The following GRIP1 variants were observed in gnomAD, a reference collection of about 807,000 sequenced individuals.
The protein encoded by GRIP1 is glutamate receptor-interacting protein 1.
Under a neutral mutation model 129.9 loss-of-function variants are expected in GRIP1, and 45 were observed. That is an observed-to-expected ratio of 0.35 (90% confidence interval 0.27 to 0.44). The LOEUF (loss-of-function observed/expected upper bound fraction) is 0.44, where lower values mean the gene tolerates loss of function less well. GRIP1 is among the 20% of genes least tolerant of loss of function. GRIP1 has a pLI of 1.00. For synonymous variants in GRIP1, 530 were observed against 520.8 expected, an observed-to-expected ratio of 1.02 and a Z score of -0.24; for missense variants, 1,196 against 1,396.8, an observed-to-expected ratio of 0.86 and a Z score of 2.29.
chr12:66,397,632 G>A (rs2056845794), intron 16 of GRIP1, among the ~76,000 whole-genome samples: 1 of 151,968 alleles, frequency 6.6e-6, no homozygotes, highest in Admixed American at 6.6e-5. Context: ...TATTTTATAA[G>A]ATTAAAAATA....
At chr12:66,544,066 A>C (rs547082470) in intron 2 of GRIP1, among the ~76,000 whole-genome samples, 1 of 152,304 alleles carries the variant, frequency 6.6e-6, no homozygotes, top group South Asian at 2.1e-4. Flanking sequence ...GAAGGAACCC[A>C]GGTGCTTCCT....
chr12:66,933,787 T>C (rs1321934341), intron 1 of GRIP1, among the ~76,000 whole-genome samples: 1 of 152,218 alleles, frequency 6.6e-6, no homozygotes, highest in African/African-American at 2.4e-5. Context: ...AATATTTGAA[T>C]AGGGATCTAA....
chr12:66,902,493 TCC>T (rs978222431), intron 1 of GRIP1, among the ~76,000 whole-genome samples: 9 of 152,150 alleles, frequency 5.9e-5, no homozygotes, highest in Admixed American at 2.6e-4. Context: ...CTGAGCAGTC[TCC>T]CAGATGTCAT....
intron 22 of GRIP1, among the ~76,000 whole-genome samples, chr12:66,375,126 A>C: frequency 6.6e-6 from 1 of 152,288 alleles, no homozygotes; most frequent in South Asian, 2.1e-4. Context: ...CAAAAATACT[A>C]ATAGTTAATT....
At chr12:66,414,497 A>T (rs1382422775) in intron 15 of GRIP1, among the ~76,000 whole-genome samples, 1 of 152,202 alleles carries the variant, frequency 6.6e-6, no homozygotes, top group Non-Finnish European at 1.5e-5. Context: ...AAAAATCAAT[A>T]TCATGAAAAT....
At chr12:66,870,859 C>T (rs2040284193) in intron 1 of GRIP1, among the ~76,000 whole-genome samples, 1 of 152,076 alleles carries the variant, frequency 6.6e-6, no homozygotes, top group African/African-American at 2.4e-5. Context: ...ATTTGGTCTC[C>T]CTGCCACATT....
Position 66,991,564 on chromosome 12 carries a change from T to C in GRIP1, c.58+77486A>G, listed in dbSNP as rs145416190. ...TATTCATTTCTGCAAACATCCATCATTTCTGAGTAAAAGAATACAAGAAAA... is the reference window on the plus strand; with the variant it reads ...TATTCATTTCTGCAAACATCCATCACTTCTGAGTAAAAGAATACAAGAAAA... On this transcript the variant is annotated intron_variant, in intron 1 of 1. Transcript: ENST00000643019. Among the ~76,000 whole-genome samples the C allele has an allele frequency of 3.4e-3, 521 of 152,340 alleles. 7 individuals carry two copies. Among genetic ancestry groups the C allele is most frequent in the African/African-American group, 0.012 (504 of 41,576 alleles).
At chr12:66,870,117 T>C (rs2040270646) in intron 1 of GRIP1, among the ~76,000 whole-genome samples, 1 of 152,086 alleles carries the variant, frequency 6.6e-6, no homozygotes, top group Non-Finnish European at 1.5e-5. Context: ...GGTGACAAAA[T>C]GATCTGGATT....
At chr12:66,938,289 T>C (rs953926557) in intron 1 of GRIP1, among the ~76,000 whole-genome samples, 2 of 151,780 alleles carry the variant, frequency 1.3e-5, no homozygotes, top group Non-Finnish European at 2.9e-5. Flanking sequence ...GGCAGGAAAA[T>C]TGCTTGAACC....
intron 5 of GRIP1, among the ~76,000 whole-genome samples, chr12:66,526,264 C>G (rs1355951243): frequency 6.6e-6 from 1 of 151,714 alleles, no homozygotes; most frequent in African/African-American, 2.4e-5. Context: ...CATCAAGCTA[C>G]CTGACTTCAA....
At chr12:66,507,779 CTTTT>C (rs1037717879) in intron 7 of GRIP1, among the ~76,000 whole-genome samples, 1 of 148,914 alleles carries the variant, frequency 6.7e-6, no homozygotes, top group Non-Finnish European at 1.5e-5. Flanking sequence ...TTCTTTCTTT[CTTTT>C]TTTTTACAGA....
At chr12:66,612,061 T>C (rs780342496) in intron 1 of GRIP1, among the ~76,000 whole-genome samples, 4 of 152,198 alleles carry the variant, frequency 2.6e-5, no homozygotes, top group African/African-American at 4.8e-5. Context: ...ATAGGAATAC[T>C]AATATATTTT....
chr12:66,766,325 G>C (rs974536626), intron 1 of GRIP1, among the ~76,000 whole-genome samples: 5 of 152,140 alleles, frequency 3.3e-5, no homozygotes, highest in Non-Finnish European at 7.4e-5. Context: ...TGCTATAAAA[G>C]CACACCCAGG....
intron 1 of GRIP1, among the ~76,000 whole-genome samples, chr12:66,826,607 G>A (rs960798364): frequency 6.6e-6 from 1 of 151,702 alleles, no homozygotes; most frequent in African/African-American, 2.4e-5. Flanking sequence ...AAGTGCTGCT[G>A]GAATTAGAGA....
intron 1 of GRIP1, among the ~76,000 whole-genome samples, chr12:66,610,196 G>T (rs2064729923): frequency 6.6e-6 from 1 of 151,420 alleles, no homozygotes; most frequent in South Asian, 2.1e-4. Flanking sequence ...AGAAAATCAG[G>T]AAGGAATATA....
intron 1 of GRIP1, among the ~76,000 whole-genome samples, chr12:67,053,481 A>C (rs531672610): frequency 1.3e-5 from 2 of 152,372 alleles, no homozygotes; most frequent in African/African-American, 4.8e-5. Context: ...ATGTCAGAAT[A>C]AATATCGAGA....
chr12:66,751,211 C>A (rs768114806), intron 1 of GRIP1, among the ~76,000 whole-genome samples: 3 of 152,072 alleles, frequency 2.0e-5, no homozygotes, highest in Non-Finnish European at 2.9e-5. Context: ...TACATTCCAT[C>A]ATTGAACATT....
At chr12:66,610,118 A>G (rs1273546462) in intron 1 of GRIP1, among the ~76,000 whole-genome samples, 1 of 152,088 alleles carries the variant, frequency 6.6e-6, no homozygotes. Context: ...TTGATACGCA[A>G]ATCAGTCAGA....
intron 1 of GRIP1, among the ~76,000 whole-genome samples, chr12:67,016,285 T>C (rs2135729702): frequency 6.6e-6 from 1 of 152,250 alleles, no homozygotes; most frequent in East Asian, 1.9e-4. Flanking sequence ...CAAATTCATA[T>C]AAACACACAC....
Sources: allele counts gnomAD v4.1 joint callset (sites outside exome capture counted in the v4.1 genomes callset), GRCh38; gene constraint gnomAD v4.1.1; transcripts MANE v1.5; gene names NCBI Gene and HGNC (gene_info 2026-07-23, HGNC 2026-07-21).